ELK3: variants seen among roughly 807,000 people sequenced by gnomAD.
ELK3 encodes ETS transcription factor ELK3, also known as ETS domain-containing protein Elk-3.
A neutral mutation model predicts 28.9 loss-of-function variants in ELK3; 10 were observed. The ratio of observed to expected loss-of-function variants is 0.35; its 90% CI spans 0.21 to 0.59. The LOEUF (loss-of-function observed/expected upper bound fraction) is 0.59. Among genes scored for constraint, ELK3 ranks in the 20% least tolerant of loss-of-function variants. ELK3 has a pLI of 0.82. For missense variants in ELK3, 463 were observed against 517.3 expected, an observed-to-expected ratio of 0.90 and a Z score of 1.02; for synonymous variants, 272 against 243.5, an observed-to-expected ratio of 1.12 and a Z score of -1.09.
chr12:96,222,118 A>C (rs1005809587), intron 1 of ELK3, among the ~76,000 whole-genome samples: 2 of 152,152 alleles, frequency 1.3e-5, no homozygotes, highest in Admixed American at 6.5e-5. Context: ...AGGCCAGTCT[A>C]ACCACCTTTT....
At chr12:96,201,078 A>G (rs1951504818) in intron 1 of ELK3, among the ~76,000 whole-genome samples, 1 of 152,224 alleles carries the variant, frequency 6.6e-6, no homozygotes, top group African/African-American at 2.4e-5. Context: ...ACTTCAGAAT[A>G]CCTTGATAAA....
chr12:96,240,831 G>A (rs1951815968), intron 2 of ELK3, among the ~76,000 whole-genome samples: 1 of 152,162 alleles, frequency 6.6e-6, no homozygotes, highest in South Asian at 2.1e-4. Flanking sequence ...GGCTCCTCGC[G>A]GGGAGGAAAA....
At chr12:96,228,348 G>T (rs1198202712) in intron 2 of ELK3, among the ~76,000 whole-genome samples, 1 of 147,686 alleles carries the variant, frequency 6.8e-6, no homozygotes, top group East Asian at 2.0e-4. Flanking sequence ...AACCCGGGAG[G>T]CAGAGGTTGC....
intron 1 of ELK3, chr12:96,198,209 C>T (rs774948490): frequency 2.0e-5 from 3 of 152,174 alleles, no homozygotes; most frequent in Non-Finnish European, 4.4e-5. Context: ...TCAGTCATCT[C>T]CATGTTTCCC....
chr12:96,219,563 A>T (rs751960271), intron 1 of ELK3, among the ~76,000 whole-genome samples: 2 of 152,194 alleles, frequency 1.3e-5, no homozygotes, highest in Non-Finnish European at 2.9e-5. Context: ...CGAAAACAAT[A>T]TGGAGAGCGC....
At chr12:96,228,840 T>C (rs1351346971) in intron 2 of ELK3, among the ~76,000 whole-genome samples, 1 of 152,114 alleles carries the variant, frequency 6.6e-6, no homozygotes, top group Non-Finnish European at 1.5e-5. Flanking sequence ...AGTTCACCCA[T>C]TGGAAAGTGG....
At chr12:96,252,653 G>A (rs910276151) in intron 3 of ELK3, among the ~76,000 whole-genome samples, 7 of 152,204 alleles carry the variant, frequency 4.6e-5, no homozygotes, top group Non-Finnish European at 8.8e-5. Context: ...ACTAGCATTA[G>A]AAGTGGAGCC....
intron 1 of ELK3, among the ~76,000 whole-genome samples, chr12:96,219,321 T>A (rs1565780632): frequency 1.3e-5 from 2 of 152,158 alleles, no homozygotes; most frequent in Admixed American, 1.3e-4. Flanking sequence ...TAAATTTTTT[T>A]TCCGGTGAGA....
At chr12:96,234,943 G>A (rs1479453394) in intron 2 of ELK3, among the ~76,000 whole-genome samples, 2 of 152,206 alleles carry the variant, frequency 1.3e-5, no homozygotes, top group Non-Finnish European at 2.9e-5. Flanking sequence ...GGCAGCCAGG[G>A]AGGAGAGACA....
intron 1 of ELK3, among the ~76,000 whole-genome samples, chr12:96,214,984 C>T (rs1444743352): frequency 6.6e-6 from 1 of 152,078 alleles, no homozygotes; most frequent in Non-Finnish European, 1.5e-5. Context: ...TGTTCAAATC[C>T]ATCTTCATTT....
chr12:96,226,975 T>C (rs190837746), intron 2 of ELK3, among the ~76,000 whole-genome samples: 1 of 152,298 alleles, frequency 6.6e-6, no homozygotes, highest in Non-Finnish European at 1.5e-5. Context: ...TTCCTTCCGT[T>C]TTGCCAGTGT....
chr12:96,268,794 A>C lies in ELK3; in HGVS notation c.*1614A>C, dbSNP rs1400839781. 1 of 152,214 alleles carries C rather than the reference A, an allele frequency of 6.6e-6. No individual in the cohort carries two copies. Among genetic ancestry groups the C allele is most frequent in the Non-Finnish European group, 1.5e-5 (1 of 68,032 alleles). 9.4% of individuals were successfully genotyped at this position (152,214 alleles called of 1,614,324 possible). A position where few individuals can be genotyped will look rare whatever the true frequency, so the allele number is the denominator to read the frequency against. On this transcript the variant is annotated 3_prime_UTR_variant, in exon 5 of 5. Coordinates refer to ENST00000228741, the MANE Select transcript of ELK3 (RefSeq NM_005230.4). ...ACACTTAGAAATTCTGAGGTTTTTC[A>C]ATTGGAATTGAGCATCTCTGTATGT...
intron 1 of ELK3, among the ~76,000 whole-genome samples, chr12:96,206,980 A>G (rs527502091): frequency 4.6e-5 from 7 of 152,214 alleles, no homozygotes; most frequent in Non-Finnish European, 7.4e-5. Context: ...TTAAAAATCT[A>G]TTTGAAATAT....
At chr12:96,254,607 C>T (rs180682675) in intron 3 of ELK3, among the ~76,000 whole-genome samples, 1 of 151,872 alleles carries the variant, frequency 6.6e-6, no homozygotes, top group Non-Finnish European at 1.5e-5. Flanking sequence ...AACTGAGTGC[C>T]CATCATGTGA....
At chr12:96,207,021 A>G in intron 1 of ELK3, among the ~76,000 whole-genome samples, 1 of 152,224 alleles carries the variant, frequency 6.6e-6, no homozygotes, top group East Asian at 1.9e-4. Flanking sequence ...TTAAGTTTTG[A>G]AATCACTCAC....
chr12:96,256,700 G>GA (rs1209502917), intron 3 of ELK3, among the ~76,000 whole-genome samples: 1 of 152,140 alleles, frequency 6.6e-6, no homozygotes, highest in Non-Finnish European at 1.5e-5. Context: ...TAAATGTTAA[G>GA]AAAAAAATGG....
chr12:96,217,809 G>A lies in ELK3; in HGVS notation c.-2-5756G>A, dbSNP rs955038472. 1.3e-4 allele frequency among the ~76,000 whole-genome samples: 20 copies of A among 151,760 alleles called. 1 individual carries two copies. Among genetic ancestry groups the A allele is most frequent in the Admixed American group, 5.9e-4 (9 of 15,226 alleles). On this transcript the variant is annotated intron_variant, in intron 1 of 4. Transcript: ENST00000228741. ...AAAAATTAGCTGGGCGTGGTGGTGCGCACCTGTGGTCCCAGCTACTTGGAA... is the reference window on the plus strand; with the variant it reads ...AAAAATTAGCTGGGCGTGGTGGTGCACACCTGTGGTCCCAGCTACTTGGAA...
rs767724593 is a variant in ELK3 at position 96,247,148 on chromosome 12, A to T, written c.416A>T (p.His139Leu). The change falls in exon 3 of 5, where the codon CAC becomes CTC. Residue 139 changes from histidine to leucine, a missense_variant. By Grantham distance (99) the His-to-Leu change is moderately conservative. Coordinates refer to ENST00000228741, the MANE Select transcript of ELK3 (RefSeq NM_005230.4). The surrounding 1 kb of genome is among the most constrained non-coding windows in gnomAD (Gnocchi z 5.5). ...AGCACGAGCCGCAACGAATACATCCACTCAGGCCTGTACTCGTCCTTCACC... is the reference window on the plus strand; with the variant it reads ...AGCACGAGCCGCAACGAATACATCCTCTCAGGCCTGTACTCGTCCTTCACC... Reference protein sequence around the residue: ...LRSTSRNEYIHSGLYSSFTIN... With the variant: ...LRSTSRNEYILSGLYSSFTIN... 6.2e-7 allele frequency: 1 copy of T among 1,613,866 alleles called. No individual in the cohort carries two copies. Among genetic ancestry groups the T allele is most frequent in the East Asian group, 2.2e-5 (1 of 44,854 alleles).
Position 96,268,364 on chromosome 12 carries a change from T to TCTGA in ELK3, c.*1186_*1189dup, listed in dbSNP as rs1952057855. 1.3e-5 allele frequency: 2 copies of TCTGA among 152,248 alleles called. No homozygotes were observed. The highest frequency in any genetic ancestry group is 2.1e-4 in the South Asian group (1 of 4,820). The allele number at this position is 152,248 out of a possible 1,614,324, so 9.4% of individuals were successfully genotyped here. Reference sequence around the variant, plus strand: ...TAAAGTTAGGGGAGAATGAAGGAAATCTGACAGATGAAAAATTCTACAGGA... The same window carrying TCTGA: ...TAAAGTTAGGGGAGAATGAAGGAAATCTGACTGACAGATGAAAAATTCTACAGGA... On this transcript the variant is annotated 3_prime_UTR_variant, in exon 5 of 5. Transcript: ENST00000228741.
Sources: gnomAD v4.1 joint callset for allele counts (sites outside exome capture counted in the v4.1 genomes callset) on GRCh38, gnomAD v4.1.1 for gene constraint, Gnocchi (gnomAD v3.1) non-coding constraint, MANE v1.5 for transcripts, NCBI Gene and HGNC (gene_info 2026-07-23, HGNC 2026-07-21) for gene names.